EPS15L1: variants seen among roughly 807,000 people sequenced by gnomAD.
EPS15L1 encodes epidermal growth factor receptor pathway substrate 15 like 1.
EPS15L1 carries 43 observed loss-of-function variants against 117.1 expected under a neutral mutation model. That is an observed-to-expected ratio of 0.37 (90% CI 0.29 to 0.47). The LOEUF (loss-of-function observed/expected upper bound fraction) is 0.47, where lower values mean the gene tolerates loss of function less well. Among genes scored for constraint, EPS15L1 ranks in the 20% least tolerant of loss-of-function variants. EPS15L1 has a pLI of 0.99. For missense variants in EPS15L1, 981 were observed against 1,164.0 expected (o/e 0.84, Z 2.29); for synonymous variants, 459 against 470.5 (o/e 0.98, Z 0.32).
rs1198963393 is a variant in EPS15L1 at position 16,381,079 on chromosome 19, A to C, written c.2248-3825T>G. The stretch of plus-strand genomic sequence containing the variant: ...CCCCAGGGAGGGGAAGGGGCCCCAA[A>C]GGCTCCTGCACAGATGACCCCACCA... On this transcript the variant is annotated intron_variant, in intron 21 of 23. Coordinates refer to ENST00000455140, the MANE Select transcript of EPS15L1 (RefSeq NM_001258374.3). The surrounding 1 kb of genome is among the most constrained non-coding windows in gnomAD (Gnocchi z 4.2). Among the ~76,000 whole-genome samples the C allele has an allele frequency of 6.6e-6, 1 of 152,206 alleles. No individual in the cohort carries two copies. The highest frequency in any genetic ancestry group is 1.5e-5 in the Non-Finnish European group (1 of 68,020).
At chr19:16,367,591 G>A (rs1297369082) in intron 22 of EPS15L1, among the ~76,000 whole-genome samples, 1 of 146,730 alleles carries the variant, frequency 6.8e-6, no homozygotes, top group Non-Finnish European at 1.5e-5. Context: ...GCTTCTTCTC[G>A]AGGCTGCGCA....
Position 16,404,007 on chromosome 19 carries a change from C to T in EPS15L1, c.1429-77G>A. 4.4e-6 allele frequency: 6 copies of T among 1,354,718 alleles called. No individual in the cohort carries two copies. Among genetic ancestry groups the T allele is most frequent in the African/African-American group, 1.4e-5 (1 of 69,270 alleles). 83.9% of individuals were successfully genotyped at this position (1,354,718 alleles called of 1,614,324 possible). On this transcript the variant is annotated intron_variant, in intron 14 of 23. Transcript: ENST00000455140. The surrounding 1 kb of genome is among the most constrained non-coding windows in gnomAD (Gnocchi z 4.2). ...TGGGACTCCGAGAAAGAACTCTTAG[C>T]CCCCATCCCCGAAACAAGCTAAGCC...
intron 4 of EPS15L1, 103 bp from the exon 5 acceptor site, chr19:16,437,968 A>G (rs1599649458): frequency 1.6e-5 from 14 of 858,424 alleles, no homozygotes; most frequent in Middle Eastern, 4.6e-4. Flanking sequence ...TGTGCACTTC[A>G]ACAATGAAGG....
At chr19:16,406,333 GA>G (rs1377625496) in intron 13 of EPS15L1, among the ~76,000 whole-genome samples, 5 of 152,188 alleles carry the variant, frequency 3.3e-5, no homozygotes, top group Non-Finnish European at 5.9e-5. Flanking sequence ...TGTTCGACAG[GA>G]AACTCAGGAG....
At chr19:16,392,218 G>A (rs1257723176) in intron 19 of EPS15L1, 86 bp downstream of exon 19, 32 of 1,507,402 alleles carry the variant, frequency 2.1e-5, no homozygotes, top group East Asian at 2.0e-4. Context: ...TACGCTCCAC[G>A]AAGGGAAGGG....
At chr19:16,396,834 G>C (rs543581038) in intron 16 of EPS15L1, among the ~76,000 whole-genome samples, 2 of 152,146 alleles carry the variant, frequency 1.3e-5, no homozygotes, top group African/African-American at 4.8e-5. Context: ...AGAGGCTGCT[G>C]AGTGAAATCA....
rs534318975 is a variant in EPS15L1, at chr19:16,412,369, G to A, written c.1266+1404C>T. Among the ~76,000 whole-genome samples the A allele has an allele frequency of 2.4e-4, 36 of 152,052 alleles. 1 individual carries two copies. Among genetic ancestry groups the A allele is most frequent in the African/African-American group, 6.5e-4 (27 of 41,470 alleles). On this transcript the variant is annotated intron_variant, in intron 13 of 23. Transcript: ENST00000455140. ...CAAAAAATTAGCCAGGCATGGTGGT[G>A]CGTGCCTGTAATCCCAACTACTTGG... is the stretch of plus-strand genomic sequence containing the variant.
At chr19:16,377,807 G>A (rs2092314485) in intron 21 of EPS15L1, among the ~76,000 whole-genome samples, 2 of 152,282 alleles carry the variant, frequency 1.3e-5, no homozygotes, top group Admixed American at 6.5e-5. Context: ...CACCTCAGGT[G>A]GAAGTGCATC....
chr19:16,469,485 G>C (rs772957758), intron 1 of EPS15L1, among the ~76,000 whole-genome samples: 1 of 152,024 alleles, frequency 6.6e-6, no homozygotes, highest in Non-Finnish European at 1.5e-5. Context: ...GAGCTGAGCA[G>C]GGGGACAGGG....
At chr19:16,413,626 AC>A in intron 13 of EPS15L1, 146 bp downstream of exon 13, 10 of 780,904 alleles carry the variant, frequency 1.3e-5, no homozygotes, top group South Asian at 5.2e-5. Flanking sequence ...AAAAAAAAAA[AC>A]AAAAACTTCA....
At chr19:16,448,986 T>C (rs1454797840) in intron 1 of EPS15L1, among the ~76,000 whole-genome samples, 1 of 151,756 alleles carries the variant, frequency 6.6e-6, no homozygotes, top group South Asian at 2.1e-4. Flanking sequence ...AATTAGAACA[T>C]GGGCAAGCCA....
chr19:16,418,075 T>G lies in EPS15L1; in HGVS notation c.980A>C (p.Lys327Thr). The G allele has an allele frequency of 6.2e-7, 1 of 1,614,136 alleles. No individual in the cohort carries two copies. Among genetic ancestry groups the G allele is most frequent in the East Asian group, 2.2e-5 (1 of 44,884 alleles). Residue 327 changes from lysine (K) to threonine (T), a missense_variant, in exon 11 of 24, where the codon AAG becomes ACG. Transcript: ENST00000455140. ...WALADTRQTG[K>T]LSKDQFALAM... ...TAACGCGAATTGGTCTTTGCTTAAC[T>G]TCCCCGTTTGCCTCGTATCGGCCAG...
chr19:16,432,942 C>T (rs538521060), intron 7 of EPS15L1, among the ~76,000 whole-genome samples: 1 of 151,842 alleles, frequency 6.6e-6, no homozygotes, highest in Admixed American at 6.6e-5. Flanking sequence ...GTAGCTGGGA[C>T]TACAGTCACG....
chr19:16,396,895 G>C (rs2144798742), intron 16 of EPS15L1, among the ~76,000 whole-genome samples: 1 of 152,074 alleles, frequency 6.6e-6, no homozygotes, highest in Non-Finnish European at 1.5e-5. Context: ...GAGAACCCTA[G>C]AGTCATCACA....
intron 22 of EPS15L1, among the ~76,000 whole-genome samples, chr19:16,375,491 T>TGTGTGC (rs1333899040): frequency 6.6e-6 from 1 of 152,082 alleles, no homozygotes; most frequent in South Asian, 2.1e-4. Context: ...TGTGTGTGTG[T>TGTGTGC]GTGCTTCTGC....
intron 12 of EPS15L1, among the ~76,000 whole-genome samples, chr19:16,416,136 A>T (rs1402366657): frequency 9.9e-5 from 15 of 152,228 alleles, no homozygotes; most frequent in Admixed American, 9.8e-4. Context: ...CCAAGGCCAG[A>T]GGAGCTGATA....
intron 12 of EPS15L1, 23 bp from the exon 13 acceptor site, chr19:16,413,868 T>C (rs1265948882): frequency 6.3e-7 from 1 of 1,586,414 alleles, no homozygotes; most frequent in Admixed American, 1.7e-5. Context: ...AAATATTTCA[T>C]GAAAACAAGA....
chr19:16,450,046 C>G (rs936951357), intron 1 of EPS15L1, among the ~76,000 whole-genome samples: 2 of 150,206 alleles, frequency 1.3e-5, no homozygotes, highest in African/African-American at 4.9e-5. Flanking sequence ...ACAGGAGGGA[C>G]GTGTTCTGTA....
rs1038493454 is a variant in EPS15L1, at chr19:16,404,962, G to T, written c.1267-213C>A. 6.6e-6 allele frequency among the ~76,000 whole-genome samples: 1 copy of T among 152,224 alleles called. No homozygotes were observed. The highest frequency in any genetic ancestry group is 1.5e-5 in the Non-Finnish European group (1 of 68,036). On this transcript the variant is annotated intron_variant, in intron 13 of 23. Coordinates refer to ENST00000455140, the MANE Select transcript of EPS15L1 (RefSeq NM_001258374.3). This position sits in a 1 kb window ranked among gnomAD's most constrained non-coding sequence, Gnocchi z 4.2. ...ACTGTCTCACCAGCTCCCTCAGCAG[G>T]TATTTCCCGATGGCCTAACAGAGGC...
Sources: gnomAD v4.1 joint callset for allele counts (sites outside exome capture counted in the v4.1 genomes callset) on GRCh38, gnomAD v4.1.1 for gene constraint, Gnocchi (gnomAD v3.1) non-coding constraint, MANE v1.5 for transcripts, NCBI Gene and HGNC (gene_info 2026-07-23, HGNC 2026-07-21) for gene names.